The following SLC16A10 variants were observed in gnomAD, a reference collection of about 807,000 sequenced individuals.
SLC16A10 encodes the protein solute carrier family 16 member 10.
Under a neutral mutation model 40.0 loss-of-function variants are expected in SLC16A10, and 27 were observed. The ratio of observed to expected loss-of-function variants is 0.67; its 90% CI spans 0.50 to 0.93. The LOEUF (loss-of-function observed/expected upper bound fraction) is 0.93. Ranked by LOEUF, SLC16A10 falls within the 40% of genes least tolerant of loss-of-function variation. The pLI is 0.00. For synonymous variants in SLC16A10, 213 were observed against 249.8 expected, an observed-to-expected ratio of 0.85 and a Z score of 1.39; for missense variants, 529 against 658.2, an observed-to-expected ratio of 0.80 and a Z score of 2.15.
At chr6:111,166,338 A>G (rs1171346861) in intron 1 of SLC16A10, among the ~76,000 whole-genome samples, 1 of 151,072 alleles carries the variant, frequency 6.6e-6, no homozygotes, top group Non-Finnish European at 1.5e-5. Context: ...TGGGGATACT[A>G]AACTTTTCAC....
At chr6:111,152,969 G>C (rs1772200103) in intron 1 of SLC16A10, among the ~76,000 whole-genome samples, 1 of 152,162 alleles carries the variant, frequency 6.6e-6, no homozygotes, top group Non-Finnish European at 1.5e-5. Context: ...GCACATGCAT[G>C]TGTGTGCAAT....
At chr6:111,145,309 G>T (rs1164294226) in intron 1 of SLC16A10, among the ~76,000 whole-genome samples, 1 of 152,062 alleles carries the variant, frequency 6.6e-6, no homozygotes, top group Non-Finnish European at 1.5e-5. Context: ...GCTGTAGCTG[G>T]AGGATCACTT....
intron 1 of SLC16A10, among the ~76,000 whole-genome samples, chr6:111,157,635 T>G (rs1423943473): frequency 6.6e-6 from 1 of 152,158 alleles, no homozygotes; most frequent in Admixed American, 6.6e-5. Context: ...AGATACAAGT[T>G]AGCTAAATAG....
intron 1 of SLC16A10, among the ~76,000 whole-genome samples, chr6:111,133,557 C>G (rs1771823648): frequency 1.3e-5 from 2 of 152,206 alleles, no homozygotes; most frequent in African/African-American, 4.8e-5. Context: ...ATAACACCAT[C>G]TTACAACTAG....
chr6:111,207,752 C>T (rs1773279177), intron 4 of SLC16A10, among the ~76,000 whole-genome samples: 1 of 152,072 alleles, frequency 6.6e-6, no homozygotes. Flanking sequence ...ACATGGGAAA[C>T]ACCTCCCACA....
intron 1 of SLC16A10, among the ~76,000 whole-genome samples, chr6:111,151,437 G>A (rs746107985): frequency 9.9e-5 from 15 of 152,200 alleles, no homozygotes; most frequent in South Asian, 4.1e-4. Flanking sequence ...CATAAGTCCT[G>A]TTGATTTCAT....
At chr6:111,163,804 A>G (rs927437670) in intron 1 of SLC16A10, among the ~76,000 whole-genome samples, 1 of 152,222 alleles carries the variant, frequency 6.6e-6, no homozygotes, top group Non-Finnish European at 1.5e-5. Flanking sequence ...AGCCAAAATG[A>G]TGACTCAAAA....
intron 1 of SLC16A10, among the ~76,000 whole-genome samples, chr6:111,152,914 G>A (rs1217705400): frequency 6.6e-6 from 1 of 152,198 alleles, no homozygotes; most frequent in East Asian, 1.9e-4. Flanking sequence ...AGGCATGGTG[G>A]CAACATTTAA....
At chr6:111,182,317 T>C (rs1357644687) in intron 3 of SLC16A10, among the ~76,000 whole-genome samples, 1 of 142,074 alleles carries the variant, frequency 7.0e-6, no homozygotes, top group African/African-American at 2.6e-5. Flanking sequence ...TTTCTTTTTT[T>C]TTTTTTTTTT....
intron 1 of SLC16A10, among the ~76,000 whole-genome samples, chr6:111,125,990 A>G (rs1156704142): frequency 6.6e-6 from 1 of 152,212 alleles, no homozygotes; most frequent in Non-Finnish European, 1.5e-5. Flanking sequence ...AGACAGACAT[A>G]GAAATTAGTA....
At chr6:111,092,300 G>C (rs1326147181) in intron 1 of SLC16A10, among the ~76,000 whole-genome samples, 1 of 144,864 alleles carries the variant, frequency 6.9e-6, no homozygotes, top group Non-Finnish European at 1.5e-5. Flanking sequence ...AGCTTGAGTT[G>C]TCTCTTTTTT....
In SLC16A10 at chr6:111,225,666, T is replaced by C. The variant is rs1215964; in HGVS notation, c.*3431T>C. ...TATTTTAATTTATACGAATGTTACT[T>C]GAAATTGGCCTATGTCCAGATGACT... On this transcript the variant is annotated 3_prime_UTR_variant, in exon 6 of 6. Coordinates refer to ENST00000368851, the MANE Select transcript of SLC16A10 (RefSeq NM_018593.5). 0.79 allele frequency: 120,618 copies of C among 151,950 alleles called. 48,534 individuals are homozygous for C. Among genetic ancestry groups the C allele is most frequent in the South Asian group, 0.87 (4,180 of 4,804 alleles). The allele number at this position is 151,950 out of a possible 1,614,324, so 9.4% of individuals were successfully genotyped here.
At position 111,228,049 on chromosome 6, in the gene SLC16A10, C is replaced by T. The variant is rs992023063; in HGVS notation, c.*5814C>T. The stretch of plus-strand genomic sequence containing the variant: ...AAAAAAGGAATAACAACTAATATGG[C>T]CTGTGGATCTGACAAAGAAAAACCT... On this transcript the variant is annotated 3_prime_UTR_variant, in exon 6 of 6. Coordinates refer to ENST00000368851, the MANE Select transcript of SLC16A10 (RefSeq NM_018593.5). The T allele has an allele frequency of 1.3e-5, 2 of 152,134 alleles. No individual in the cohort carries two copies. The highest frequency in any genetic ancestry group is 6.5e-5 in the Admixed American group (1 of 15,268). The allele number at this position is 152,134 out of a possible 1,614,324, so 9.4% of individuals were successfully genotyped here.
intron 1 of SLC16A10, among the ~76,000 whole-genome samples, chr6:111,104,190 G>A (rs987440076): frequency 7.2e-5 from 11 of 152,192 alleles, no homozygotes; most frequent in African/African-American, 2.2e-4. Context: ...ATTTAATAGA[G>A]GCAATGGGGA....
chr6:111,093,602 C>T (rs1583298505), intron 1 of SLC16A10, among the ~76,000 whole-genome samples: 2 of 152,152 alleles, frequency 1.3e-5, no homozygotes, highest in East Asian at 1.9e-4. Context: ...TATGTTTTGC[C>T]TTTACGCTAA....
intron 1 of SLC16A10, among the ~76,000 whole-genome samples, chr6:111,105,555 A>G (rs191783123): frequency 6.6e-6 from 1 of 152,266 alleles, no homozygotes; most frequent in Non-Finnish European, 1.5e-5. Context: ...TCTGGCTGGG[A>G]AGGGAGTCAG....
At chr6:111,154,413 A>T (rs956649427) in intron 1 of SLC16A10, among the ~76,000 whole-genome samples, 3 of 152,206 alleles carry the variant, frequency 2.0e-5, no homozygotes, top group African/African-American at 7.2e-5. Context: ...ATGTAAACAC[A>T]TCACCAGTCA....
At chr6:111,133,375 G>A (rs1345495104) in intron 1 of SLC16A10, among the ~76,000 whole-genome samples, 1 of 152,098 alleles carries the variant, frequency 6.6e-6, no homozygotes, top group Non-Finnish European at 1.5e-5. Flanking sequence ...TTTTCAGATA[G>A]GAAATGTTCC....
intron 1 of SLC16A10, among the ~76,000 whole-genome samples, chr6:111,151,646 T>G (rs1772174503): frequency 6.6e-6 from 1 of 152,232 alleles, no homozygotes. Flanking sequence ...AAAAACCTAA[T>G]GTTGACTCTC....
Sources: gnomAD v4.1 joint callset for allele counts (sites outside exome capture counted in the v4.1 genomes callset) on GRCh38, gnomAD v4.1.1 for gene constraint, MANE v1.5 for transcripts, NCBI Gene and HGNC (gene_info 2026-07-23, HGNC 2026-07-21) for gene names.